The following ITPK1 variants were observed in gnomAD, a reference collection of about 807,000 sequenced individuals.
ITPK1 encodes inositol 1,3,4-trisphosphate 5/6-kinase.
A neutral mutation model predicts 45.3 loss-of-function variants in ITPK1; 21 were observed. That is an observed-to-expected ratio of 0.46 (90% CI 0.33 to 0.67). The LOEUF is 0.67. Ranked by LOEUF, ITPK1 falls within the 30% of genes least tolerant of loss-of-function variation. ITPK1 has a pLI of 0.02. For synonymous variants in ITPK1, 258 were observed against 253.6 expected (o/e 1.02, Z -0.16); for missense variants, 474 against 573.5 (o/e 0.83, Z 1.77).
intron 2 of ITPK1, among the ~76,000 whole-genome samples, chr14:93,082,441 A>AC (rs199877294): frequency 6.6e-6 from 1 of 151,474 alleles, no homozygotes; most frequent in Non-Finnish European, 1.5e-5. Context: ...ATGGAACCAG[A>AC]CCCCCCTGTA....
chr14:92,981,728 G>A (rs541735337), intron 5 of ITPK1, among the ~76,000 whole-genome samples: 9 of 152,338 alleles, frequency 5.9e-5, no homozygotes, highest in Middle Eastern at 3.4e-3. Context: ...AGGCTGTCAC[G>A]GTCAGGTGGG....
At chr14:92,988,341 A>C (rs949014351) in intron 5 of ITPK1, among the ~76,000 whole-genome samples, 2 of 152,180 alleles carry the variant, frequency 1.3e-5, no homozygotes, top group East Asian at 3.9e-4. Context: ...CCCACTCAGC[A>C]CGTCCGAGGC....
chr14:92,976,812 C>T (rs1012357253), intron 5 of ITPK1, among the ~76,000 whole-genome samples: 52 of 152,208 alleles, frequency 3.4e-4, no homozygotes, highest in African/African-American at 1.2e-3. Flanking sequence ...GGAAAGAATA[C>T]CCTTGACTGC....
At chr14:92,948,982 G>GC (rs771228082) in intron 9 of ITPK1, among the ~76,000 whole-genome samples, 28 of 140,714 alleles carry the variant, frequency 2.0e-4, no homozygotes, top group African/African-American at 7.7e-4. Context: ...GACACACAGG[G>GC]CCCCCCTGCT....
intron 2 of ITPK1, among the ~76,000 whole-genome samples, chr14:93,101,029 T>C (rs1566786533): frequency 6.6e-6 from 1 of 152,132 alleles, no homozygotes; most frequent in Non-Finnish European, 1.5e-5. Context: ...TCCAAAGAAT[T>C]GGTTCCTGTC....
chr14:93,086,975 TTGACCC>T (rs1370030865), intron 2 of ITPK1, among the ~76,000 whole-genome samples: 1 of 152,246 alleles, frequency 6.6e-6, no homozygotes, highest in Non-Finnish European at 1.5e-5. Flanking sequence ...GGCCTTGACC[TTGACCC>T]TGACCCAGTC....
chr14:92,988,411 C>T (rs569878368), intron 5 of ITPK1, among the ~76,000 whole-genome samples: 1 of 152,332 alleles, frequency 6.6e-6, no homozygotes, highest in African/African-American at 2.4e-5. Flanking sequence ...GGCCCAGCCC[C>T]CCGAGGGGCT....
Position 92,941,914 on chromosome 14 carries a change from G to A in ITPK1, c.902-10C>T, listed in dbSNP as rs774883756. Reference sequence around the variant, plus strand: ...CTCACGCCCTCGTAGCCTGGGGGTGGGAGAGAGACAGCACAAGGGGCGTGA... The same window carrying A: ...CTCACGCCCTCGTAGCCTGGGGGTGAGAGAGAGACAGCACAAGGGGCGTGA... On this transcript the variant is annotated splice_polypyrimidine_tract_variant and intron_variant, in intron 10 of 10. Coordinates refer to ENST00000267615, the MANE Select transcript of ITPK1 (RefSeq NM_014216.6). 8.1e-6 allele frequency: 13 copies of A among 1,609,604 alleles called. No homozygotes were observed. In the East Asian group the frequency reaches 8.9e-5, roughly 11 times the overall value.
Position 92,938,305 on chromosome 14 carries a change from A to G in ITPK1, c.*3256T>C. On this transcript the variant is annotated 3_prime_UTR_variant, in exon 11 of 11. Coordinates refer to ENST00000267615, the MANE Select transcript of ITPK1 (RefSeq NM_014216.6). ...GAGGGCAGATACAGACCCCAGGGACATTAGTGAAGCCATTCAGCAGTTGTG... is the reference window on the plus strand; with the variant it reads ...GAGGGCAGATACAGACCCCAGGGACGTTAGTGAAGCCATTCAGCAGTTGTG... 1 of 642,030 alleles carries G rather than the reference A, an allele frequency of 1.6e-6. No individual in the cohort carries two copies. The highest frequency in any genetic ancestry group is 1.8e-5 in the South Asian group (1 of 54,762). The allele number at this position is 642,030 out of a possible 1,614,324, so 39.8% of individuals were successfully genotyped here.
intron 3 of ITPK1, among the ~76,000 whole-genome samples, chr14:93,053,901 G>T (rs77382471): frequency 0.036 from 5,448 of 152,314 alleles, 339 homozygotes; most frequent in African/African-American, 0.12. Context: ...GGACAGCCAG[G>T]CTTCAGAAAC....
intron 9 of ITPK1, among the ~76,000 whole-genome samples, chr14:92,950,990 AAGAC>A (rs952350563): frequency 6.6e-5 from 10 of 152,188 alleles, no homozygotes; most frequent in South Asian, 2.1e-4. Flanking sequence ...CCTGACACAA[AAGAC>A]AGACAGACAG....
At chr14:93,019,629 G>T (rs994135780) in intron 3 of ITPK1, among the ~76,000 whole-genome samples, 2 of 152,194 alleles carry the variant, frequency 1.3e-5, no homozygotes, top group African/African-American at 2.4e-5. Context: ...CTCTTCCTCA[G>T]GTGCCTGACA....
Position 92,951,979 on chromosome 14 carries a change from C to G in ITPK1, c.705G>C (p.Val235=). Reference sequence around the variant, plus strand: ...GGACCGATGACGACTCCGGCTTTGACACGTTGTGGCTGTTGAAGAAGATGG... The same window carrying G: ...GGACCGATGACGACTCCGGCTTTGAGACGTTGTGGCTGTTGAAGAAGATGG... The part of the protein sequence containing the change: ...RESIFFNSHN[V]SKPESSSVLT... Residue 235 remains valine, a synonymous_variant, in exon 9 of 11, where the codon GTG becomes GTC. Coordinates refer to ENST00000267615, the MANE Select transcript of ITPK1 (RefSeq NM_014216.6). The G allele has an allele frequency of 1.3e-6, 2 of 1,579,474 alleles. No homozygotes were observed. Among genetic ancestry groups the G allele is most frequent in the Non-Finnish European group, 1.7e-6 (2 of 1,162,206 alleles).
At chr14:92,985,206 C>T (rs1218360215) in intron 5 of ITPK1, among the ~76,000 whole-genome samples, 2 of 152,028 alleles carry the variant, frequency 1.3e-5, no homozygotes, top group Non-Finnish European at 2.9e-5. Context: ...CCTGAGGCTC[C>T]ATCCCAGATG....
Position 92,946,429 on chromosome 14 carries a change from G to T in ITPK1, c.803C>A (p.Ala268Asp). ...SDEVIRELSR[A>D]LRQALGVSLF... ...TGACACGCCCAGTGCCTGCCGCAGG[G>T]CCCGGGAGAGCTCCCGGATGACCTC... The change falls in exon 10 of 11, where the codon GCC becomes GAC. Residue 268 changes from alanine (A) to aspartate (D), a missense_variant. Transcript: ENST00000267615. The T allele has an allele frequency of 6.2e-7, 1 of 1,613,164 alleles. No individual in the cohort carries two copies. Among genetic ancestry groups the T allele is most frequent in the Non-Finnish European group, 8.5e-7 (1 of 1,179,952 alleles).
At chr14:93,046,551 C>T (rs939505073) in intron 3 of ITPK1, among the ~76,000 whole-genome samples, 2 of 141,196 alleles carry the variant, frequency 1.4e-5, no homozygotes, top group Admixed American at 1.5e-4. Flanking sequence ...TCAAGACCTT[C>T]AGAAAAAGGC....
chr14:93,050,318 G>C (rs1472246300), intron 3 of ITPK1, among the ~76,000 whole-genome samples: 1 of 152,176 alleles, frequency 6.6e-6, no homozygotes, highest in Non-Finnish European at 1.5e-5. Context: ...TGTGGGGTGA[G>C]AGGAGGTACT....
chr14:93,100,447 G>A (rs1338398361), intron 2 of ITPK1, among the ~76,000 whole-genome samples: 2 of 152,120 alleles, frequency 1.3e-5, no homozygotes, highest in Non-Finnish European at 2.9e-5. Flanking sequence ...GATTGAGGGT[G>A]AGGACTCACC....
chr14:92,973,306 T>C (rs886797393), intron 5 of ITPK1, among the ~76,000 whole-genome samples: 2 of 152,104 alleles, frequency 1.3e-5, no homozygotes, highest in African/African-American at 4.8e-5. Flanking sequence ...AGTTGATGGA[T>C]GGGATAAGTG....
Sources: allele counts gnomAD v4.1 joint callset (sites outside exome capture counted in the v4.1 genomes callset), GRCh38; gene constraint gnomAD v4.1.1; transcripts MANE v1.5; gene names NCBI Gene and HGNC (gene_info 2026-07-23, HGNC 2026-07-21).